UTRN: variants seen among roughly 807,000 people sequenced by gnomAD.
UTRN encodes utrophin, also known as dystrophin-related protein 1.
A neutral mutation model predicts 463.9 loss-of-function variants in UTRN; 283 were observed. The ratio of observed to expected loss-of-function variants is 0.61; its 90% CI spans 0.55 to 0.67. UTRN has a LOEUF of 0.67. Ranked by LOEUF, UTRN falls within the 30% of genes least tolerant of loss-of-function variation. The pLI, the probability that UTRN is intolerant of heterozygous loss-of-function variation, is 0.00. For synonymous variants in UTRN, 1,442 were observed against 1,431.5 expected (o/e 1.01, Z -0.17); for missense variants, 3,922 against 4,084.3 (o/e 0.96, Z 1.08).
chr6:144,471,264 A>G lies in UTRN; in HGVS notation c.3067-2456A>G, dbSNP rs894118827. Among the ~76,000 whole-genome samples the G allele has an allele frequency of 2.6e-5, 4 of 152,196 alleles. No individual in the cohort carries two copies. The East Asian group carries it at 7.7e-4, about 29-fold the overall frequency. On this transcript the variant is annotated intron_variant, in intron 23 of 74. Coordinates refer to ENST00000367545, the MANE Select transcript of UTRN (RefSeq NM_007124.3). Reference sequence around the variant, plus strand: ...GCTGTTGAGGCCATAAAACTTCCTCATATGCCAGTGACTGGAGTAGTTAAG... The same window carrying G: ...GCTGTTGAGGCCATAAAACTTCCTCGTATGCCAGTGACTGGAGTAGTTAAG...
intron 33 of UTRN, among the ~76,000 whole-genome samples, chr6:144,494,737 C>T (rs1562484685): frequency 6.6e-6 from 1 of 152,282 alleles, no homozygotes; most frequent in Middle Eastern, 3.4e-3. Flanking sequence ...TCCAAGGCCC[C>T]ACCAGAGTAG....
intron 53 of UTRN, among the ~76,000 whole-genome samples, chr6:144,704,952 C>A (rs751237663): frequency 6.6e-6 from 1 of 152,148 alleles, no homozygotes; most frequent in Non-Finnish European, 1.5e-5. Flanking sequence ...CACAGTGAGA[C>A]TCCATCTCAA....
intron 28 of UTRN, among the ~76,000 whole-genome samples, chr6:144,487,016 G>T (rs1792522586): frequency 6.6e-6 from 1 of 152,066 alleles, no homozygotes; most frequent in African/African-American, 2.4e-5. Context: ...CTCTTATTCT[G>T]CATATATTGT....
chr6:144,431,535 T>C (rs1785844414), intron 9 of UTRN, among the ~76,000 whole-genome samples: 1 of 152,236 alleles, frequency 6.6e-6, no homozygotes, highest in Admixed American at 6.5e-5. Context: ...ACGCTGGTGG[T>C]CAATGAATAA....
intron 24 of UTRN, among the ~76,000 whole-genome samples, 188 bp from the exon 25 acceptor site, chr6:144,474,416 G>A (rs1790977595): frequency 6.6e-6 from 1 of 152,014 alleles, no homozygotes; most frequent in South Asian, 2.1e-4. Context: ...GTCTAATTTG[G>A]CAGATGGCTA....
At chr6:144,384,928 G>A (rs959732698) in intron 2 of UTRN, among the ~76,000 whole-genome samples, 7 of 152,056 alleles carry the variant, frequency 4.6e-5, no homozygotes, top group African/African-American at 1.7e-4. Flanking sequence ...CATTGCATAT[G>A]CTTTTTACTC....
intron 2 of UTRN, among the ~76,000 whole-genome samples, chr6:144,353,033 C>G (rs1328109528): frequency 5.3e-5 from 8 of 152,202 alleles, no homozygotes; most frequent in Middle Eastern, 3.4e-3. Context: ...GCCTCGATCT[C>G]CGGGGGTCAA....
rs181212527 is a variant in UTRN, at chr6:144,529,982, A to G, written c.5907-1070A>G. On this transcript the variant is annotated intron_variant, in intron 41 of 74. Coordinates refer to ENST00000367545, the MANE Select transcript of UTRN (RefSeq NM_007124.3). ...TGGGTTTTACTTTGCCATCTTTAAAAGAGTTTGGTTTAAACAGAAATCTCA... is the reference window on the plus strand; with the variant it reads ...TGGGTTTTACTTTGCCATCTTTAAAGGAGTTTGGTTTAAACAGAAATCTCA... Among the ~76,000 whole-genome samples the G allele has an allele frequency of 7.8e-4, 119 of 152,334 alleles. 2 individuals are homozygous for G. Among genetic ancestry groups the G allele is most frequent in the African/African-American group, 2.7e-3 (113 of 41,582 alleles).
At chr6:144,761,264 A>G (rs1792637867) in intron 58 of UTRN, among the ~76,000 whole-genome samples, 1 of 152,082 alleles carries the variant, frequency 6.6e-6, no homozygotes, top group Admixed American at 6.6e-5. Flanking sequence ...TGAAAATTTT[A>G]TTTGCTTCCT....
chr6:144,403,289 G>T, intron 3 of UTRN, 105 bp downstream of exon 3: 1 of 939,090 alleles, frequency 1.1e-6, no homozygotes, highest in Non-Finnish European at 1.7e-6. Context: ...TCACCTAGCC[G>T]AAGTCTTCTG....
At chr6:144,511,185 G>A (rs1298703021) in intron 35 of UTRN, 62 bp downstream of exon 35, 16 of 1,367,608 alleles carry the variant, frequency 1.2e-5, no homozygotes, top group Non-Finnish European at 1.5e-5. Flanking sequence ...TTTTTTAAAT[G>A]AATACAACTT....
At chr6:144,799,808 T>C (rs73779137) in intron 64 of UTRN, among the ~76,000 whole-genome samples, 4,251 of 152,278 alleles carry the variant, frequency 0.028, 198 homozygotes, top group African/African-American at 0.096. Flanking sequence ...AGGCAGCCGA[T>C]TGTGCAGAGA....
intron 42 of UTRN, among the ~76,000 whole-genome samples, chr6:144,532,344 A>T (rs1018368145): frequency 6.6e-6 from 1 of 152,208 alleles, no homozygotes; most frequent in East Asian, 1.9e-4. Context: ...ATTGACTCAT[A>T]GTTCAGCATG....
At chr6:144,291,561 G>A (rs1211373267) in intron 1 of UTRN, among the ~76,000 whole-genome samples, 176 bp from the exon 2 acceptor site, 5 of 152,144 alleles carry the variant, frequency 3.3e-5, no homozygotes, top group Non-Finnish European at 7.3e-5. Context: ...GTGCATAAGC[G>A]CCGTAATGGC....
intron 53 of UTRN, among the ~76,000 whole-genome samples, chr6:144,713,130 C>A (rs1315540851): frequency 6.6e-6 from 1 of 152,130 alleles, no homozygotes; most frequent in Non-Finnish European, 1.5e-5. Context: ...TACCAGGTGA[C>A]CATCCCTAAT....
chr6:144,287,723 G>A (rs1803832438), intron 1 of UTRN, among the ~76,000 whole-genome samples: 1 of 152,134 alleles, frequency 6.6e-6, no homozygotes, highest in South Asian at 2.1e-4. Context: ...CTTGCTTGGT[G>A]GTCCATATGA....
intron 66 of UTRN, among the ~76,000 whole-genome samples, chr6:144,826,222 A>C (rs1206129029): frequency 6.6e-6 from 1 of 152,000 alleles, no homozygotes; most frequent in African/African-American, 2.4e-5. Flanking sequence ...GAAGAGTCTT[A>C]GTTTTTCATC....
rs563619499 is a variant in UTRN, at chr6:144,807,396, T to C, written c.9357+4249T>C. Among the ~76,000 whole-genome samples the C allele has an allele frequency of 1.7e-3, 254 of 152,218 alleles. 2 individuals carry two copies. Among genetic ancestry groups the C allele is most frequent in the Middle Eastern group, 0.014 (4 of 294 alleles). On this transcript the variant is annotated intron_variant, in intron 65 of 74. Transcript: ENST00000367545. ...AGTATTTTATGATATTGATAATTTATATATGTATATATAAATTATCTGAAG... is the reference window on the plus strand; with the variant it reads ...AGTATTTTATGATATTGATAATTTACATATGTATATATAAATTATCTGAAG...
At chr6:144,797,653 T>C (rs1407837176) in intron 63 of UTRN, 171 bp from the exon 64 acceptor site, 1 of 609,862 alleles carries the variant, frequency 1.6e-6, no homozygotes, top group African/African-American at 1.9e-5. Flanking sequence ...TCATAAGTTC[T>C]AGAATTTTCT....
Sources: gnomAD v4.1 joint callset for allele counts (sites outside exome capture counted in the v4.1 genomes callset) on GRCh38, gnomAD v4.1.1 for gene constraint, MANE v1.5 for transcripts, NCBI Gene and HGNC (gene_info 2026-07-23, HGNC 2026-07-21) for gene names.